PAM: variants seen among roughly 807,000 people sequenced by gnomAD.
PAM encodes peptidyl-glycine alpha-amidating monooxygenase.
PAM carries 72 observed loss-of-function variants against 122.1 expected under a neutral mutation model. That is an observed-to-expected ratio of 0.59 (90% CI 0.49 to 0.72). The LOEUF (loss-of-function observed/expected upper bound fraction) is 0.72. Ranked by LOEUF, PAM falls within the 30% of genes least tolerant of loss-of-function variation. The pLI is 0.00. For synonymous variants in PAM, 389 were observed against 404.4 expected, an observed-to-expected ratio of 0.96 and a Z score of 0.46; for missense variants, 1,106 against 1,183.7, an observed-to-expected ratio of 0.93 and a Z score of 0.96.
intron 16 of PAM, among the ~76,000 whole-genome samples, chr5:102,999,435 C>T (rs955551174): frequency 5.9e-5 from 9 of 152,202 alleles, no homozygotes; most frequent in African/African-American, 9.6e-5. Context: ...TGGTGCAAGC[C>T]GTGGGTGGAT....
At chr5:102,941,729 T>C (rs1164076099) in intron 7 of PAM, among the ~76,000 whole-genome samples, 1 of 142,932 alleles carries the variant, frequency 7.0e-6, no homozygotes, top group East Asian at 2.1e-4. Context: ...GGAACTAATT[T>C]AAAAAAACTT....
At chr5:102,882,180 G>A (rs1184022176) in intron 3 of PAM, among the ~76,000 whole-genome samples, 7 of 141,808 alleles carry the variant, frequency 4.9e-5, no homozygotes, top group Non-Finnish European at 9.2e-5. Context: ...TTGCAATTGC[G>A]AAGTGTTCAA....
intron 16 of PAM, among the ~76,000 whole-genome samples, chr5:102,993,288 A>C (rs924297894): frequency 2.6e-5 from 4 of 152,072 alleles, no homozygotes; most frequent in African/African-American, 9.7e-5. Flanking sequence ...AGCTCTTTAA[A>C]GTTTAAATGC....
intron 23 of PAM, among the ~76,000 whole-genome samples, chr5:103,020,600 T>A (rs1466108219): frequency 6.6e-6 from 1 of 152,176 alleles, no homozygotes; most frequent in Non-Finnish European, 1.5e-5. Flanking sequence ...TCTGCAGGGT[T>A]TTGACATGTC....
intron 14 of PAM, among the ~76,000 whole-genome samples, chr5:102,964,638 A>G (rs1384164191): frequency 6.6e-6 from 1 of 151,918 alleles, no homozygotes; most frequent in Non-Finnish European, 1.5e-5. Context: ...TATGTAAAGT[A>G]TAAATATACA....
intron 1 of PAM, among the ~76,000 whole-genome samples, chr5:102,822,014 T>C (rs1261926017): frequency 6.6e-6 from 1 of 152,276 alleles, no homozygotes; most frequent in East Asian, 1.9e-4. Context: ...AAGATAATTA[T>C]TTACCCAATT....
chr5:102,855,187 C>A (rs1189099032), intron 1 of PAM, among the ~76,000 whole-genome samples: 1 of 151,960 alleles, frequency 6.6e-6, no homozygotes, highest in Admixed American at 6.6e-5. Context: ...GGATTCTAAA[C>A]CCAATTGAGC....
At chr5:102,971,917 A>G (rs577710892) in intron 14 of PAM, among the ~76,000 whole-genome samples, 3 of 152,298 alleles carry the variant, frequency 2.0e-5, no homozygotes, top group South Asian at 2.1e-4. Context: ...CTCTCATGTA[A>G]CAAGATGTTT....
At chr5:102,863,908 A>G (rs548365191) in intron 1 of PAM, among the ~76,000 whole-genome samples, 1 of 151,236 alleles carries the variant, frequency 6.6e-6, no homozygotes, top group South Asian at 2.1e-4. Context: ...ACAAATACCA[A>G]CTTTGCTTCT....
At chr5:102,978,440 G>C (rs977421115) in intron 15 of PAM, among the ~76,000 whole-genome samples, 5 of 152,048 alleles carry the variant, frequency 3.3e-5, no homozygotes, top group Admixed American at 3.3e-4. Flanking sequence ...CAAAATCTTA[G>C]GTATCTTTAT....
At chr5:102,961,076 TTGA>T in intron 13 of PAM, 79 bp from the exon 14 acceptor site, 2 of 729,684 alleles carry the variant, frequency 2.7e-6, no homozygotes, top group Non-Finnish European at 5.0e-6. Context: ...TATTTTTATG[TTGA>T]TGGACTATTT....
chr5:102,793,957 A>T (rs73183201), intron 1 of PAM, among the ~76,000 whole-genome samples: 2,176 of 152,190 alleles, frequency 0.014, 46 homozygotes, highest in African/African-American at 0.05. Context: ...TTTTCTTTTT[A>T]AAAAATGTAT....
rs66466018 is a variant in PAM at position 102,940,115 on chromosome 5, T to TACACAC, written c.527-6692_527-6687dup. Among the ~76,000 whole-genome samples the TACACAC allele has an allele frequency of 6.4e-3, 867 of 134,446 alleles. 8 individuals are homozygous for TACACAC. Among genetic ancestry groups the TACACAC allele is most frequent in the African/African-American group, 0.022 (825 of 38,338 alleles). 88.2% of individuals were successfully genotyped at this position (134,446 alleles called of 152,430 possible). A position where few individuals can be genotyped will look rare whatever the true frequency, so the allele number is the denominator to read the frequency against. ...AGGAAACCTTTTATATATGTATACA[T>TACACAC]ACACACACACACACACACACACACA... On this transcript the variant is annotated intron_variant, in intron 7 of 25. Transcript: ENST00000438793.
intron 1 of PAM, among the ~76,000 whole-genome samples, chr5:102,767,742 C>A (rs549686909): frequency 6.6e-6 from 1 of 151,950 alleles, no homozygotes; most frequent in Non-Finnish European, 1.5e-5. Flanking sequence ...TTTCACTAAA[C>A]GAAAAACAGC....
intron 1 of PAM, among the ~76,000 whole-genome samples, chr5:102,775,006 G>GT (rs1229260444): frequency 2.0e-5 from 3 of 151,676 alleles, no homozygotes; most frequent in African/African-American, 7.3e-5. Flanking sequence ...TAGTTGTATT[G>GT]TAATTTCACA....
In PAM at chr5:102,857,601, A is replaced by C. The variant is rs547548352; in HGVS notation, c.-373-8222A>C. ...TGAATGGAAAAAAGACTAGGTGCGT[A>C]GTTAAGAGCTTCAACCATGGCGTCA... On this transcript the variant is annotated intron_variant, in intron 1 of 25. Transcript: ENST00000438793. 2.6e-5 allele frequency among the ~76,000 whole-genome samples: 4 copies of C among 152,288 alleles called. No individual in the cohort carries two copies. The South Asian group carries it at 8.3e-4, about 32-fold the overall frequency.
intron 3 of PAM, among the ~76,000 whole-genome samples, chr5:102,899,588 C>T (rs772388726): frequency 2.0e-5 from 3 of 151,570 alleles, no homozygotes; most frequent in Non-Finnish European, 4.4e-5. Context: ...GCTTTTAAGT[C>T]ATTATTTGTC....
intron 15 of PAM, among the ~76,000 whole-genome samples, chr5:102,984,175 GA>G (rs961617659): frequency 6.6e-6 from 1 of 151,358 alleles, no homozygotes; most frequent in East Asian, 1.9e-4. Context: ...GGAAAGAAAG[GA>G]AAAAAAGGCT....
At chr5:102,978,187 C>CGAA (rs1295601837) in intron 15 of PAM, among the ~76,000 whole-genome samples, 1 of 152,016 alleles carries the variant, frequency 6.6e-6, no homozygotes, top group African/African-American at 2.4e-5. Flanking sequence ...ATTTGGCACT[C>CGAA]TAAGTTGATA....
Sources: gnomAD v4.1 joint callset for allele counts (sites outside exome capture counted in the v4.1 genomes callset) on GRCh38, gnomAD v4.1.1 for gene constraint, MANE v1.5 for transcripts, NCBI Gene and HGNC (gene_info 2026-07-23, HGNC 2026-07-21) for gene names.